The following OLFM2 variants were observed in gnomAD, a reference collection of about 807,000 sequenced individuals.
OLFM2 encodes noelin-2.
Under a neutral mutation model 43.9 loss-of-function variants are expected in OLFM2, and 20 were observed. The ratio of observed to expected loss-of-function variants is 0.46; its 90% CI spans 0.32 to 0.66. OLFM2 has a LOEUF of 0.66. OLFM2 is among the 30% of genes least tolerant of loss of function. The pLI, the probability that OLFM2 is intolerant of heterozygous loss-of-function variation, is 0.04. For missense variants in OLFM2, 416 were observed against 643.6 expected (o/e 0.65, Z 3.83); for synonymous variants, 268 against 278.6 (o/e 0.96, Z 0.38).
chr19:9,931,993 C>CCATCCATT (rs1290104742), intron 1 of OLFM2, among the ~76,000 whole-genome samples: 1 of 152,146 alleles, frequency 6.6e-6, no homozygotes, highest in East Asian at 1.9e-4. Flanking sequence ...GTCCATCCAT[C>CCATCCATT]CATCCATTCA....
At chr19:9,918,964 T>C (rs2086402484) in intron 1 of OLFM2, among the ~76,000 whole-genome samples, 1 of 152,110 alleles carries the variant, frequency 6.6e-6, no homozygotes, top group Non-Finnish European at 1.5e-5. Context: ...ACTCTGTAAA[T>C]TTACGAAAAG....
At chr19:9,923,573 A>T (rs937786832) in intron 1 of OLFM2, among the ~76,000 whole-genome samples, 6 of 151,206 alleles carry the variant, frequency 4.0e-5, no homozygotes, top group African/African-American at 1.5e-4. Flanking sequence ...AAAAAAAAGA[A>T]AGAAAAGAAA....
At chr19:9,865,483 TTC>T (rs2046394024) in intron 1 of OLFM2, among the ~76,000 whole-genome samples, 1 of 130,266 alleles carries the variant, frequency 7.7e-6, no homozygotes, top group African/African-American at 3.0e-5. Context: ...TCTCTGTTTT[TTC>T]TTTTTTTTTT....
Position 9,856,711 on chromosome 19 carries a change from A to G in OLFM2, c.687+96T>C, listed in dbSNP as rs1204167614. The G allele has an allele frequency of 3.0e-6, 3 of 989,548 alleles. No homozygotes were observed. Among genetic ancestry groups the G allele is most frequent in the Non-Finnish European group, 3.1e-6 (2 of 647,134 alleles). 61.3% of individuals were successfully genotyped at this position (989,548 alleles called of 1,614,324 possible). On this transcript the variant is annotated intron_variant, in intron 5 of 5. Coordinates refer to ENST00000264833, the MANE Select transcript of OLFM2 (RefSeq NM_058164.4). The surrounding 1 kb of genome is among the most constrained non-coding windows in gnomAD (Gnocchi z 4.0). ...GGGATCCAGGACACTTTGGGCTACA[A>G]GACAGTCACCAGTGTGGACTCCCTA...
intron 1 of OLFM2, 125 bp downstream of exon 1, chr19:9,936,179 G>T: frequency 2.1e-6 from 2 of 950,882 alleles, no homozygotes; most frequent in Non-Finnish European, 2.9e-6. Context: ...TGCGACCCCC[G>T]CCCCTCGCCG....
chr19:9,926,586 T>C (rs1351050708), intron 1 of OLFM2, among the ~76,000 whole-genome samples: 1 of 144,140 alleles, frequency 6.9e-6, no homozygotes, highest in East Asian at 1.9e-4. Flanking sequence ...ATGACTAAAG[T>C]GATAAATTTT....
At chr19:9,884,151 C>A (rs758565504) in intron 1 of OLFM2, among the ~76,000 whole-genome samples, 1 of 151,900 alleles carries the variant, frequency 6.6e-6, no homozygotes. Flanking sequence ...CACCTGTAGT[C>A]CCAGCTACTT....
chr19:9,859,536 A>T lies in OLFM2; in HGVS notation c.213+1109T>A, dbSNP rs2046350814. Among the ~76,000 whole-genome samples the T allele has an allele frequency of 3.3e-5, 5 of 152,058 alleles. 1 individual carries two copies. The South Asian group carries it at 1.0e-3, about 32-fold the overall frequency. The stretch of plus-strand genomic sequence containing the variant: ...TCAAACTCCTGACCTCAAGTGATAC[A>T]CATGCCTCAGCCTCCCAAAGTGCTG... On this transcript the variant is annotated intron_variant, in intron 2 of 5. Transcript: ENST00000264833.
intron 1 of OLFM2, among the ~76,000 whole-genome samples, chr19:9,896,091 A>ATT (rs71188854): frequency 0.033 from 3,140 of 95,666 alleles, 73 homozygotes; most frequent in Admixed American, 0.055. Flanking sequence ...CTTTATTTTA[A>ATT]TTTTTTTTTT....
At chr19:9,890,165 T>C (rs116477561) in intron 1 of OLFM2, among the ~76,000 whole-genome samples, 19,967 of 152,056 alleles carry the variant, frequency 0.13, 1,428 homozygotes, top group Middle Eastern at 0.2. Context: ...GCTGGGCTGG[T>C]GGAGACATCT....
In OLFM2 at chr19:9,891,932, T is replaced by C. The variant is rs184725465; in HGVS notation, c.64-31138A>G. Among the ~76,000 whole-genome samples the C allele has an allele frequency of 1.2e-4, 19 of 152,322 alleles. No individual in the cohort carries two copies. In the East Asian group the frequency reaches 3.3e-3, roughly 26 times the overall value. On this transcript the variant is annotated intron_variant, in intron 1 of 5. Transcript: ENST00000264833. ...CAGCAAGTGTATAAAACTATGCATATGAATGTATAAAACAGGATGGTGTCA... is the reference window on the plus strand; with the variant it reads ...CAGCAAGTGTATAAAACTATGCATACGAATGTATAAAACAGGATGGTGTCA...
chr19:9,884,873 C>T (rs1163537118), intron 1 of OLFM2, among the ~76,000 whole-genome samples: 1 of 152,174 alleles, frequency 6.6e-6, no homozygotes, highest in South Asian at 2.1e-4. Context: ...AATGGACAGG[C>T]ATCAAGATAT....
chr19:9,900,997 A>C (rs932771939), intron 1 of OLFM2, among the ~76,000 whole-genome samples: 1 of 46,894 alleles, frequency 2.1e-5, no homozygotes, highest in African/African-American at 1.1e-4. Context: ...GAAGGGAGGG[A>C]GGGGGGAGGG....
intron 1 of OLFM2, among the ~76,000 whole-genome samples, chr19:9,926,094 G>T (rs534210540): frequency 6.6e-6 from 1 of 152,074 alleles, no homozygotes; most frequent in South Asian, 2.1e-4. Context: ...CTGTGATGGT[G>T]CCACTGCACT....
chr19:9,860,619 C>A lies in OLFM2; in HGVS notation c.213+26G>T, dbSNP rs746941208. The A allele has an allele frequency of 9.0e-6, 14 of 1,563,412 alleles. No homozygotes were observed. In the South Asian group the frequency reaches 1.5e-4, roughly 17 times the overall value. ...AGAACTGGGAGATTTTCCCAGCTGC[C>A]CCCAGGGTACCTGGAAGGTTCTCAC... On this transcript the variant is annotated intron_variant, in intron 2 of 5. Coordinates refer to ENST00000264833, the MANE Select transcript of OLFM2 (RefSeq NM_058164.4).
At chr19:9,894,562 A>T (rs2046666928) in intron 1 of OLFM2, among the ~76,000 whole-genome samples, 1 of 151,590 alleles carries the variant, frequency 6.6e-6, no homozygotes, top group Non-Finnish European at 1.5e-5. Flanking sequence ...ATACAAAATT[A>T]GCCAGGTGTG....
Position 9,854,248 on chromosome 19 carries a change from CGTT to C in OLFM2, c.1300_1302del (p.Asn434del), listed in dbSNP as rs772988752. ...GTGACATTGTAGAGCACCTGGTGGC[CGTT>C]GTTCCAGGTATAGAGGGCGCGCTCC... On this transcript the variant is annotated inframe_deletion, in exon 6 of 6. Coordinates refer to ENST00000264833, the MANE Select transcript of OLFM2 (RefSeq NM_058164.4). The surrounding 1 kb of genome is among the most constrained non-coding windows in gnomAD (Gnocchi z 9.5). 2 of 1,614,032 alleles carry C rather than the reference CGTT, an allele frequency of 1.2e-6. No homozygotes were observed. The highest frequency in any genetic ancestry group is 2.7e-5 in the African/African-American group (2 of 74,978).
intron 2 of OLFM2, among the ~76,000 whole-genome samples, chr19:9,858,698 T>C (rs188804519): frequency 6.6e-6 from 1 of 152,346 alleles, no homozygotes; most frequent in Admixed American, 6.5e-5. Context: ...TCCACCTGGC[T>C]ACGGTGAACT....
intron 1 of OLFM2, among the ~76,000 whole-genome samples, chr19:9,899,956 TC>T (rs1307197404): frequency 6.6e-6 from 1 of 152,058 alleles, no homozygotes; most frequent in Non-Finnish European, 1.5e-5. Context: ...CACCACAATG[TC>T]AGTTCCACAA....
Sources: allele counts gnomAD v4.1 joint callset (sites outside exome capture counted in the v4.1 genomes callset), GRCh38; gene constraint gnomAD v4.1.1; non-coding constraint Gnocchi (gnomAD v3.1); transcripts MANE v1.5; gene names NCBI Gene and HGNC (gene_info 2026-07-23, HGNC 2026-07-21).